VPS13B: variants seen among roughly 807,000 people sequenced by gnomAD.
VPS13B encodes vacuolar protein sorting 13 homolog B.
A neutral mutation model predicts 426.4 loss-of-function variants in VPS13B; 285 were observed. That is an observed-to-expected ratio of 0.67 (90% confidence interval 0.61 to 0.74). The LOEUF (loss-of-function observed/expected upper bound fraction) is 0.74. Among genes scored for constraint, VPS13B ranks in the 30% least tolerant of loss-of-function variants. The probability of loss-of-function intolerance (pLI) is 0.00; values close to 1 mark genes in which losing one functional copy is unlikely to be tolerated. For missense variants in VPS13B, 4,537 were observed against 4,782.6 expected (o/e 0.95, Z 1.51); for synonymous variants, 1,676 against 1,676.4 (o/e 1.00, Z 0.01).
intron 19 of VPS13B, among the ~76,000 whole-genome samples, chr8:99,335,973 C>G (rs1810838073): frequency 6.6e-6 from 1 of 152,168 alleles, no homozygotes; most frequent in Non-Finnish European, 1.5e-5. Context: ...CCATCCCCAT[C>G]AAGCTACCAA....
At chr8:99,757,995 C>T (rs1358824103) in intron 39 of VPS13B, among the ~76,000 whole-genome samples, 1 of 152,132 alleles carries the variant, frequency 6.6e-6, no homozygotes, top group Non-Finnish European at 1.5e-5. Flanking sequence ...GATATTCGGG[C>T]TTTCTAAACT....
rs753534078 is a variant in VPS13B, at chr8:99,859,415, G to A, written c.10979G>A (p.Gly3660Asp). Residue 3660 changes from glycine (G) to aspartate (D), a missense_variant, in exon 57 of 62, where the codon GGC (glycine) becomes GAC (aspartate). Gly to Asp is a moderately conservative substitution (Grantham distance 94). Around this residue, in one of 2 missense-constraint regions of VPS13B, gnomAD observed 4,311 missense variants for 4,474.3 expected, o/e 0.96. Coordinates refer to ENST00000357162, the MANE Select transcript of VPS13B (RefSeq NM_152564.5). Reference protein sequence around the residue: ...FRLPYEGLTRGPGAFVSGVSR... With the variant: ...FRLPYEGLTRDPGAFVSGVSR... ...CTTCCGTATGAGGGGCTGACCCGGGGCCCTGGAGCCTTCGTGAGTGGCGTC... is the reference window on the plus strand; with the variant it reads ...CTTCCGTATGAGGGGCTGACCCGGGACCCTGGAGCCTTCGTGAGTGGCGTC... The A allele has an allele frequency of 1.2e-6, 2 of 1,614,116 alleles. No individual in the cohort carries two copies. The highest frequency in any genetic ancestry group is 2.2e-5 in the South Asian group (2 of 91,084).
At chr8:99,203,221 A>G (rs1814463958) in intron 17 of VPS13B, among the ~76,000 whole-genome samples, 1 of 152,212 alleles carries the variant, frequency 6.6e-6, no homozygotes, top group Non-Finnish European at 1.5e-5. Flanking sequence ...ATGCAAGTCA[A>G]TAAACATAAT....
At chr8:99,167,521 G>A (rs1169313028) in intron 15 of VPS13B, among the ~76,000 whole-genome samples, 1 of 151,854 alleles carries the variant, frequency 6.6e-6, no homozygotes, top group African/African-American at 2.4e-5. Flanking sequence ...CAATTAGCAT[G>A]TGCTTTTTAT....
At chr8:99,617,424 G>C (rs1335480678) in intron 33 of VPS13B, among the ~76,000 whole-genome samples, 3 of 152,120 alleles carry the variant, frequency 2.0e-5, no homozygotes, top group Non-Finnish European at 4.4e-5. Flanking sequence ...TGTCTCCCGG[G>C]TTCAAGCAAT....
chr8:99,834,508 T>C (rs939723672), intron 52 of VPS13B, among the ~76,000 whole-genome samples: 2 of 152,098 alleles, frequency 1.3e-5, no homozygotes, highest in African/African-American at 4.8e-5. Context: ...TCTCTAGTAG[T>C]CCTTTTAAAA....
chr8:99,699,726 C>G lies in VPS13B; in HGVS notation c.6248C>G (p.Pro2083Arg). 1 of 1,613,980 alleles carries G rather than the reference C, an allele frequency of 6.2e-7. No individual in the cohort carries two copies. The highest frequency in any genetic ancestry group is 1.3e-5 in the African/African-American group (1 of 74,976). The part of the protein sequence containing the change: ...SKYYRGKLSK[P>R]KIHGDGVQKI... ...TATTACCGTGGAAAGTTGTCTAAAC[C>G]CAAAATTCATGGTGATGGAGTGCAA... Residue 2083 changes from proline to arginine, a missense_variant, in exon 36 of 62, where the codon CCC becomes CGC. Physicochemically the swap from Pro to Arg is moderately radical, Grantham distance 103 (BLOSUM62 -2). Transcript: ENST00000357162.
rs138725382 is a variant in VPS13B at position 99,529,908 on chromosome 8, A to G, written c.4745+8898A>G. 7.3e-4 allele frequency among the ~76,000 whole-genome samples: 111 copies of G among 152,322 alleles called. 1 individual carries two copies. The East Asian group carries it at 0.02, about 28-fold the overall frequency. Reference sequence around the variant, plus strand: ...GATCTGACCTTATCCTATACTTTAAATATTACCACTAGTTGCTTCTTTACA... The same window carrying G: ...GATCTGACCTTATCCTATACTTTAAGTATTACCACTAGTTGCTTCTTTACA... On this transcript the variant is annotated intron_variant, in intron 30 of 61. Transcript: ENST00000357162.
intron 19 of VPS13B, among the ~76,000 whole-genome samples, chr8:99,365,375 T>G (rs543254692): frequency 6.6e-6 from 1 of 151,958 alleles, no homozygotes; most frequent in East Asian, 1.9e-4. Flanking sequence ...TTATTTGAAG[T>G]TTTTCTTATT....
chr8:99,077,204 C>T lies in VPS13B; in HGVS notation c.292-19108C>T, dbSNP rs370712729. On this transcript the variant is annotated intron_variant, in intron 3 of 61. Transcript: ENST00000357162. The stretch of plus-strand genomic sequence containing the variant: ...ATTTTTTTTTTTAAAAGGAGTTTCA[C>T]GCTGGTTGCCCAGGTTGGAGTGCAA... Among the ~76,000 whole-genome samples the T allele has an allele frequency of 2.7e-4, 41 of 151,830 alleles. No homozygotes were observed. The East Asian group carries it at 2.7e-3, about 10-fold the overall frequency.
chr8:99,184,550 A>G (rs1813113528), intron 16 of VPS13B, among the ~76,000 whole-genome samples: 1 of 152,188 alleles, frequency 6.6e-6, no homozygotes, highest in Admixed American at 6.5e-5. Flanking sequence ...AGCTTTTCTT[A>G]TATTTTCCTA....
chr8:99,028,614 G>T (rs1293656821), intron 2 of VPS13B, among the ~76,000 whole-genome samples: 4 of 125,156 alleles, frequency 3.2e-5, no homozygotes, highest in Non-Finnish European at 6.9e-5. Context: ...CTGGCCGGGC[G>T]GGGGGCTGAC....
chr8:99,601,759 A>G (rs1008137442), intron 33 of VPS13B, among the ~76,000 whole-genome samples: 5 of 152,184 alleles, frequency 3.3e-5, no homozygotes, highest in African/African-American at 1.2e-4. Context: ...AGTGATGATG[A>G]GCTTTTCTTC....
intron 37 of VPS13B, among the ~76,000 whole-genome samples, chr8:99,717,601 A>G (rs940784229): frequency 6.6e-6 from 1 of 152,174 alleles, no homozygotes; most frequent in Admixed American, 6.6e-5. Context: ...GAGTTGCACA[A>G]TCATTACCAC....
At chr8:99,246,722 TG>T (rs1284135229) in intron 17 of VPS13B, among the ~76,000 whole-genome samples, 1 of 151,796 alleles carries the variant, frequency 6.6e-6, no homozygotes, top group Non-Finnish European at 1.5e-5. Flanking sequence ...AAAAATTAGC[TG>T]GGCCTGGTAG....
intron 19 of VPS13B, among the ~76,000 whole-genome samples, chr8:99,279,884 C>T (rs1819079905): frequency 6.6e-6 from 1 of 152,158 alleles, no homozygotes; most frequent in African/African-American, 2.4e-5. Context: ...ATTCTCCTGC[C>T]TCAGCCTCCC....
chr8:99,667,431 A>T (rs1476595353), intron 35 of VPS13B, among the ~76,000 whole-genome samples: 1 of 152,224 alleles, frequency 6.6e-6, no homozygotes, highest in Non-Finnish European at 1.5e-5. Flanking sequence ...TGCTTTGATT[A>T]TGGAAAATCA....
At chr8:99,187,969 AAGAG>A (rs886363371) in intron 16 of VPS13B, among the ~76,000 whole-genome samples, 3 of 151,346 alleles carry the variant, frequency 2.0e-5, no homozygotes. Context: ...CTGTCTTAAA[AAGAG>A]AGAGAGAGAG....
At position 99,717,235 on chromosome 8, in the gene VPS13B, A is replaced by G. The variant is rs1338166382; in HGVS notation, c.6519A>G (p.Lys2173=). ...INDFLLKTSL[K]ERSRILIGPC... is the part of the protein sequence containing the mutation. ...ATTTTCTCCTTAAAACAAGTCTCAA[A>G]GAAAGAAGCCGCATTCTGATAGGAC... The change falls in exon 37 of 62, where the codon AAA becomes AAG. Residue 2173 remains lysine, a synonymous_variant. Transcript: ENST00000357162. 2 of 1,614,078 alleles carry G rather than the reference A, an allele frequency of 1.2e-6. No homozygotes were observed. Among genetic ancestry groups the G allele is most frequent in the South Asian group, 1.1e-5 (1 of 91,082 alleles).
Sources: gnomAD v4.1 joint callset for allele counts (sites outside exome capture counted in the v4.1 genomes callset) on GRCh38, gnomAD v4.1.1 for gene constraint, gnomAD v4.1.1 regional missense constraint, MANE v1.5 for transcripts, NCBI Gene and HGNC (gene_info 2026-07-23, HGNC 2026-07-21) for gene names.